The following CD2 variants were observed in gnomAD, a reference collection of about 807,000 sequenced individuals.
CD2 encodes CD2 molecule, also known as T-cell surface antigen CD2.
A neutral mutation model predicts 23.2 loss-of-function variants in CD2; 18 were observed. The ratio of observed to expected loss-of-function variants is 0.77; its 90% confidence interval spans 0.54 to 1.15. CD2 has a LOEUF of 1.15. Ranked by LOEUF, CD2 falls within the 50% of genes most tolerant of loss-of-function variation. The pLI is 0.00. For missense variants in CD2, 424 were observed against 423.1 expected, an observed-to-expected ratio of 1.00 and a Z score of -0.02; for synonymous variants, 162 against 151.9, an observed-to-expected ratio of 1.07 and a Z score of -0.49.
Position 116,768,929 on chromosome 1 carries a change from C to T in CD2, c.*146C>T, listed in dbSNP as rs543474546. ...TGGGCCACAGCCACCTCTGCATCTT[C>T]GAACTCAGCCATGTGGTCAACATCT... On this transcript the variant is annotated 3_prime_UTR_variant, in exon 5 of 5. Transcript: ENST00000369478. 2.9e-4 allele frequency: 218 copies of T among 754,914 alleles called. 1 individual carries two copies. The highest frequency in any genetic ancestry group is 1.9e-3 in the South Asian group (101 of 53,302). 46.8% of individuals were successfully genotyped at this position (754,914 alleles called of 1,614,324 possible).
At chr1:116,764,948 T>C (rs1230922959) in intron 4 of CD2, among the ~76,000 whole-genome samples, 1 of 152,174 alleles carries the variant, frequency 6.6e-6, no homozygotes, top group Admixed American at 6.5e-5. Flanking sequence ...AAAACACCGT[T>C]TCTAGGAATA....
At chr1:116,757,125 T>G (rs12086107) in intron 2 of CD2, among the ~76,000 whole-genome samples, 1 of 151,880 alleles carries the variant, frequency 6.6e-6, no homozygotes, top group Non-Finnish European at 1.5e-5. Flanking sequence ...GCCTCCCAAG[T>G]AGCTGGGATT....
intron 2 of CD2, among the ~76,000 whole-genome samples, chr1:116,758,351 A>G (rs997051901): frequency 6.6e-6 from 1 of 152,014 alleles, no homozygotes; most frequent in East Asian, 1.9e-4. Context: ...GCAAATAAGC[A>G]TTTCTGTGCT....
chr1:116,760,551 A>G lies in CD2; in HGVS notation c.532A>G (p.Thr178Ala). Residue 178 changes from threonine (T) to alanine (A), a missense_variant, in exon 3 of 5, where the codon ACC becomes GCC. Thr to Ala is a moderately conservative substitution (Grantham distance 58). Coordinates refer to ENST00000369478, the MANE Select transcript of CD2 (RefSeq NM_001767.5). ...GAGGGTCATCACACACAAGTGGACC[A>G]CCAGCCTGAGTGCAAAATTCAAGTG... is the stretch of plus-strand genomic sequence containing the variant. ...SQRVITHKWT[T>A]SLSAKFKCTA... 6.2e-7 allele frequency: 1 copy of G among 1,614,240 alleles called. No individual in the cohort carries two copies. The highest frequency in any genetic ancestry group is 8.5e-7 in the Non-Finnish European group (1 of 1,180,042).
chr1:116,768,370 C>A (rs1652280338), intron 4 of CD2, 94 bp from the exon 5 acceptor site: 3 of 1,195,440 alleles, frequency 2.5e-6, no homozygotes, highest in Non-Finnish European at 2.3e-6. Context: ...TCCCCCAAAG[C>A]AGCTAGCATG....
chr1:116,760,581 G>A lies in CD2; in HGVS notation c.562G>A (p.Ala188Thr). The change falls in exon 3 of 5, where the codon GCA becomes ACA. Residue 188 changes from alanine to threonine, a missense_variant. Physicochemically the swap from Ala to Thr is moderately conservative, Grantham distance 58. Transcript: ENST00000369478. ...TSLSAKFKCT[A>T]GNKVSKESSV... ...CCTGAGTGCAAAATTCAAGTGCACA[G>A]CAGGGAACAAAGTCAGCAAGGAATC... 1 of 1,614,204 alleles carries A rather than the reference G, an allele frequency of 6.2e-7. No individual in the cohort carries two copies. Among genetic ancestry groups the A allele is most frequent in the Non-Finnish European group, 8.5e-7 (1 of 1,180,026 alleles).
chr1:116,760,661 C>G, intron 3 of CD2, 29 bp downstream of exon 3: 1 of 1,555,696 alleles, frequency 6.4e-7, no homozygotes, highest in South Asian at 1.1e-5. Flanking sequence ...TTCACAAACA[C>G]AGCCTGCCAG....
intron 2 of CD2, among the ~76,000 whole-genome samples, chr1:116,755,522 C>T (rs531799705): frequency 6.6e-5 from 10 of 152,108 alleles, no homozygotes; most frequent in Non-Finnish European, 1.3e-4. Flanking sequence ...CAAGGTGTGG[C>T]TTTGTATATC....
chr1:116,759,941 C>T (rs1288040191), intron 2 of CD2, among the ~76,000 whole-genome samples: 1 of 152,194 alleles, frequency 6.6e-6, no homozygotes, highest in Non-Finnish European at 1.5e-5. Flanking sequence ...GGGTTCCTGG[C>T]TGCTGTTAAA....
At chr1:116,761,471 G>A (rs979111144) in intron 3 of CD2, among the ~76,000 whole-genome samples, 3 of 152,164 alleles carry the variant, frequency 2.0e-5, no homozygotes, top group Non-Finnish European at 4.4e-5. Flanking sequence ...GTTCATTCAT[G>A]TGGGCCGTTG....
intron 4 of CD2, among the ~76,000 whole-genome samples, chr1:116,765,359 G>T (rs1652183516): frequency 6.6e-6 from 1 of 152,140 alleles, no homozygotes; most frequent in Non-Finnish European, 1.5e-5. Flanking sequence ...AGCAGGACTT[G>T]GTCTCTCCCT....
chr1:116,759,943 G>A (rs1571239921), intron 2 of CD2, among the ~76,000 whole-genome samples: 1 of 152,182 alleles, frequency 6.6e-6, no homozygotes, highest in East Asian at 1.9e-4. Flanking sequence ...GTTCCTGGCT[G>A]CTGTTAAAGC....
At chr1:116,764,419 T>C (rs1361348786) in intron 3 of CD2, 65 bp from the exon 4 acceptor site, 2 of 1,578,846 alleles carry the variant, frequency 1.3e-6, no homozygotes, top group East Asian at 4.5e-5. Context: ...GCAGCATCCT[T>C]GGCCAGAGTA....
In CD2 at chr1:116,764,633, G is replaced by T. The variant is rs74955053; in HGVS notation, c.736+27G>T. On this transcript the variant is annotated intron_variant, in intron 4 of 4. Transcript: ENST00000369478. ...TAAGCTCCCCCTCTTTTGTCCCACCGCAGGCCCCAGCAAAATCCCCATGAA... is the reference window on the plus strand; with the variant it reads ...TAAGCTCCCCCTCTTTTGTCCCACCTCAGGCCCCAGCAAAATCCCCATGAA... 1.3e-5 allele frequency: 20 copies of T among 1,566,220 alleles called. No individual in the cohort carries two copies. The African/African-American group carries it at 2.2e-4, about 17-fold the overall frequency.
chr1:116,761,015 C>T (rs1652032779), intron 3 of CD2, among the ~76,000 whole-genome samples: 1 of 152,162 alleles, frequency 6.6e-6, no homozygotes, highest in Non-Finnish European at 1.5e-5. Flanking sequence ...AACTGCTCCC[C>T]TAAAGATGGT....
In CD2 at chr1:116,754,962, A is replaced by C. The variant is rs994007820; in HGVS notation, c.382+11A>C. The C allele has an allele frequency of 9.1e-6, 14 of 1,541,170 alleles. No individual in the cohort carries two copies. Among genetic ancestry groups the C allele is most frequent in the African/African-American group, 1.4e-5 (1 of 72,476 alleles). ...ATTTGAAGATTCAAGGTAAGTGTTC[A>C]TTCCCTTAATTGCTTTATTTCAGTG... On this transcript the variant is annotated intron_variant, in intron 2 of 4. Coordinates refer to ENST00000369478, the MANE Select transcript of CD2 (RefSeq NM_001767.5).
rs946076491 is a variant in CD2, at chr1:116,756,851, T to C, written c.382+1900T>C. Among the ~76,000 whole-genome samples, 6 of 152,188 alleles carry C rather than the reference T, an allele frequency of 3.9e-5. No homozygotes were observed. In the South Asian group the frequency reaches 1.0e-3, roughly 26 times the overall value. Reference sequence around the variant, plus strand: ...CCTTGGGCAAATTCCCTATCTGCTGTGAGTCTGCTTTTCCAATGACAACTT... The same window carrying C: ...CCTTGGGCAAATTCCCTATCTGCTGCGAGTCTGCTTTTCCAATGACAACTT... On this transcript the variant is annotated intron_variant, in intron 2 of 4. Coordinates refer to ENST00000369478, the MANE Select transcript of CD2 (RefSeq NM_001767.5).
chr1:116,765,518 C>G (rs1652189290), intron 4 of CD2, among the ~76,000 whole-genome samples: 1 of 152,228 alleles, frequency 6.6e-6, no homozygotes, highest in Non-Finnish European at 1.5e-5. Context: ...CCTTCTGCCT[C>G]CCCATCAGGC....
At position 116,754,467 on chromosome 1, in the gene CD2, A is replaced by G; in HGVS notation, c.-26A>G. 1 of 1,608,160 alleles carries G rather than the reference A, an allele frequency of 6.2e-7. No homozygotes were observed. ...GTTCCTTTTGCATGAAGAGCTCAGAATCAAAAGAGGAAACCAACCCCTAAG... is the reference window on the plus strand; with the variant it reads ...GTTCCTTTTGCATGAAGAGCTCAGAGTCAAAAGAGGAAACCAACCCCTAAG... On this transcript the variant is annotated 5_prime_UTR_variant, in exon 1 of 5. Transcript: ENST00000369478.
Sources: gnomAD v4.1 joint callset for allele counts (sites outside exome capture counted in the v4.1 genomes callset) on GRCh38, gnomAD v4.1.1 for gene constraint, MANE v1.5 for transcripts, NCBI Gene and HGNC (gene_info 2026-07-23, HGNC 2026-07-21) for gene names.